THADA: variants seen among roughly 807,000 people sequenced by gnomAD.
THADA encodes tRNA (32-2'-O)-methyltransferase regulator THADA.
In THADA, 213 loss-of-function variants were observed where a neutral mutation model predicts 219.8. That is an observed-to-expected ratio of 0.97 (90% CI 0.87 to 1.09). The LOEUF is 1.09. Ranked by LOEUF, THADA falls within the 50% of genes least tolerant of loss-of-function variation. The probability of loss-of-function intolerance (pLI) is 0.00; values close to 1 mark genes in which losing one functional copy is unlikely to be tolerated. For missense variants in THADA, 2,956 were observed against 2,311.3 expected, an observed-to-expected ratio of 1.28 and a Z score of -5.72; for synonymous variants, 1,018 against 828.9, an observed-to-expected ratio of 1.23 and a Z score of -3.92.
chr2:43,438,430 C>T (rs1319374202), intron 26 of THADA, among the ~76,000 whole-genome samples: 5 of 151,590 alleles, frequency 3.3e-5, no homozygotes, highest in African/African-American at 1.2e-4. Flanking sequence ...ATGAAAATTA[C>T]TACAGTTCTG....
intron 31 of THADA, among the ~76,000 whole-genome samples, chr2:43,297,488 G>A (rs1244035351): frequency 8.7e-6 from 1 of 114,440 alleles, no homozygotes; most frequent in Non-Finnish European, 1.7e-5. Flanking sequence ...CGCCCCATCC[G>A]GGAGGGAGGT....
intron 7 of THADA, among the ~76,000 whole-genome samples, chr2:43,585,979 A>T (rs1446368955): frequency 1.3e-5 from 2 of 152,148 alleles, no homozygotes; most frequent in Non-Finnish European, 2.9e-5. Flanking sequence ...TTAATGGAGA[A>T]AGGGGCTGGG....
intron 8 of THADA, among the ~76,000 whole-genome samples, chr2:43,580,233 A>G (rs1055047758): frequency 3.3e-5 from 5 of 151,120 alleles, no homozygotes; most frequent in African/African-American, 9.7e-5. Context: ...TTTAGACAGG[A>G]TTTCATCATG....
intron 31 of THADA, among the ~76,000 whole-genome samples, chr2:43,315,706 A>G (rs1469531610): frequency 6.6e-6 from 1 of 152,154 alleles, no homozygotes; most frequent in African/African-American, 2.4e-5. Flanking sequence ...GCCTCAGGCA[A>G]TCCTCCTGCT....
At chr2:43,593,937 A>G (rs1008955253) in intron 1 of THADA, among the ~76,000 whole-genome samples, 1 of 152,080 alleles carries the variant, frequency 6.6e-6, no homozygotes, top group Non-Finnish European at 1.5e-5. Context: ...CCAGCCTTAG[A>G]CTTCTTGTCT....
At chr2:43,303,101 G>A (rs976134633) in intron 31 of THADA, among the ~76,000 whole-genome samples, 4 of 152,170 alleles carry the variant, frequency 2.6e-5, no homozygotes, top group Non-Finnish European at 4.4e-5. Context: ...TAGTCTGTTT[G>A]GATGGCATAA....
chr2:43,468,018 T>C lies in THADA; in HGVS notation c.3836+17216A>G, dbSNP rs562129140. Among the ~76,000 whole-genome samples, 315 of 152,356 alleles carry C rather than the reference T, an allele frequency of 2.1e-3. 1 individual carries two copies. Among genetic ancestry groups the C allele is most frequent in the African/African-American group, 7.1e-3 (297 of 41,578 alleles). On this transcript the variant is annotated intron_variant, in intron 26 of 37. Transcript: ENST00000405975. Reference sequence around the variant, plus strand: ...GTTATGCTTGGAAAGGCCTAAAGCTTAATTGCAAGGCTTGAGGTGTAAGTA... The same window carrying C: ...GTTATGCTTGGAAAGGCCTAAAGCTCAATTGCAAGGCTTGAGGTGTAAGTA...
chr2:43,397,358 T>A (rs1674195673), intron 29 of THADA, among the ~76,000 whole-genome samples: 2 of 152,190 alleles, frequency 1.3e-5, no homozygotes. Context: ...CAAGTTAGGG[T>A]TGAAATAGGG....
intron 29 of THADA, among the ~76,000 whole-genome samples, chr2:43,382,032 G>C (rs1217975058): frequency 6.6e-6 from 1 of 152,088 alleles, no homozygotes. Context: ...CCCAAATTGA[G>C]GAACTTTCTA....
At chr2:43,529,474 G>A (rs1283722305) in intron 21 of THADA, among the ~76,000 whole-genome samples, 1 of 152,110 alleles carries the variant, frequency 6.6e-6, no homozygotes, top group Non-Finnish European at 1.5e-5. Flanking sequence ...AGCCTCCCGA[G>A]TAGCTGTTAA....
intron 30 of THADA, among the ~76,000 whole-genome samples, chr2:43,322,307 C>T (rs540441281): frequency 6.6e-6 from 1 of 152,100 alleles, no homozygotes; most frequent in East Asian, 2.0e-4. Context: ...AGATCGAGAT[C>T]AGCATGGCCA....
intron 13 of THADA, 118 bp downstream of exon 13, chr2:43,571,589 A>C: frequency 3.2e-6 from 3 of 929,910 alleles, no homozygotes; most frequent in Non-Finnish European, 4.9e-6. Context: ...TCATGAACAG[A>C]TGTGGTAGCC....
At chr2:43,411,536 C>T (rs1676306341) in intron 28 of THADA, among the ~76,000 whole-genome samples, 1 of 152,124 alleles carries the variant, frequency 6.6e-6, no homozygotes, top group Non-Finnish European at 1.5e-5. Flanking sequence ...TTTTGAACAG[C>T]CTTTTAATTT....
At chr2:43,408,580 C>T (rs1015572572) in intron 28 of THADA, among the ~76,000 whole-genome samples, 2 of 152,142 alleles carry the variant, frequency 1.3e-5, no homozygotes, top group Non-Finnish European at 2.9e-5. Context: ...TGGTTTCCTT[C>T]GAGTCTCTTA....
chr2:43,550,431 G>A (rs910572425), intron 19 of THADA, among the ~76,000 whole-genome samples: 1 of 152,034 alleles, frequency 6.6e-6, no homozygotes, highest in African/African-American at 2.4e-5. Context: ...AAGAAACCAC[G>A]CAAAGACCAA....
chr2:43,574,566 G>C lies in THADA; in HGVS notation c.1499C>G (p.Thr500Ser), dbSNP rs780109636. The C allele has an allele frequency of 1.2e-6, 2 of 1,613,948 alleles. No individual in the cohort carries two copies. The highest frequency in any genetic ancestry group is 2.2e-5 in the South Asian group (2 of 91,084). The change falls in exon 11 of 38, where the codon ACC (threonine) becomes AGC (serine). Residue 500 changes from threonine (T) to serine (S), a missense_variant. Transcript: ENST00000405975. ...LVPYASDLLE[T>S]MFRNHKSHLK... ...ATGACTCTTATGATTTCTAAACATGGTTTCCAAGAGGTCACTTGCATAAGG... is the reference window on the plus strand; with the variant it reads ...ATGACTCTTATGATTTCTAAACATGCTTTCCAAGAGGTCACTTGCATAAGG...
chr2:43,323,884 T>A (rs1679027095), intron 30 of THADA, among the ~76,000 whole-genome samples: 1 of 152,134 alleles, frequency 6.6e-6, no homozygotes, highest in African/African-American at 2.4e-5. Flanking sequence ...GAGAGGGAAT[T>A]CATTTGGCTT....
rs1389924294 is a variant in THADA at position 43,574,915 on chromosome 2, C to G, written c.1150G>C (p.Gly384Arg). ...SSPSLTDSLNGNSSIVGRLLE... is the reference protein window; with the variant it reads ...SSPSLTDSLNRNSSIVGRLLE... ...AGTCTCCCAACTATACTTGAATTCC[C>G]ATTCAGGCTGTCCGTTAGGCTCGGG... is the stretch of plus-strand genomic sequence containing the variant. The change falls in exon 11 of 38, where the codon GGG becomes CGG. Residue 384 changes from glycine (G) to arginine (R), a missense_variant. Physicochemically the swap from Gly to Arg is moderately radical, Grantham distance 125. Coordinates refer to ENST00000405975, the MANE Select transcript of THADA (RefSeq NM_022065.5). 1 of 1,613,972 alleles carries G rather than the reference C, an allele frequency of 6.2e-7. No individual in the cohort carries two copies. Among genetic ancestry groups the G allele is most frequent in the Non-Finnish European group, 8.5e-7 (1 of 1,179,890 alleles).
chr2:43,480,744 G>C (rs1342015214), intron 26 of THADA, among the ~76,000 whole-genome samples: 1 of 151,748 alleles, frequency 6.6e-6, no homozygotes, highest in African/African-American at 2.4e-5. Context: ...CGTGAACCCG[G>C]GAGGCAGAGG....
Sources: allele counts gnomAD v4.1 joint callset (sites outside exome capture counted in the v4.1 genomes callset), GRCh38; gene constraint gnomAD v4.1.1; transcripts MANE v1.5; gene names NCBI Gene and HGNC (gene_info 2026-07-23, HGNC 2026-07-21).